The following FAM168A variants were observed in gnomAD, a reference collection of about 807,000 sequenced individuals.
FAM168A encodes family with sequence similarity 168 member A, also known as protein FAM168A.
FAM168A carries 3 observed loss-of-function variants against 28.5 expected under a neutral mutation model. The observed-to-expected ratio is 0.11, with a 90% CI of 0.05 to 0.27. The LOEUF is 0.27. Ranked by LOEUF, FAM168A falls within the 10% of genes least tolerant of loss-of-function variation. The pLI, the probability that FAM168A is intolerant of heterozygous loss-of-function variation, is 1.00. For missense variants in FAM168A, 222 were observed against 311.5 expected (o/e 0.71, Z 2.16); for synonymous variants, 122 against 124.2 (o/e 0.98, Z 0.12).
intron 1 of FAM168A, among the ~76,000 whole-genome samples, chr11:73,537,042 G>A (rs1173641842): frequency 6.6e-6 from 1 of 152,148 alleles, no homozygotes; most frequent in Non-Finnish European, 1.5e-5. Context: ...TCAGAAGTCA[G>A]GGAGAACTTC....
chr11:73,425,486 G>C (rs115993894), intron 3 of FAM168A, among the ~76,000 whole-genome samples: 2,115 of 152,354 alleles, frequency 0.014, 33 homozygotes, highest in African/African-American at 0.041. Flanking sequence ...GATAGGACCA[G>C]TGCAGAGGCA....
chr11:73,544,810 CAT>C (rs1491237120), intron 1 of FAM168A, among the ~76,000 whole-genome samples: 3 of 86,870 alleles, frequency 3.5e-5, no homozygotes, highest in East Asian at 2.6e-4. Context: ...AATTATATAT[CAT>C]ATATAATAAA....
chr11:73,580,169 G>C, intron 1 of FAM168A: 1 of 381,552 alleles, frequency 2.6e-6, no homozygotes, highest in Non-Finnish European at 5.1e-6. Context: ...AGGTGAGAAC[G>C]ACCCCCAGAC....
At chr11:73,431,530 C>T (rs1273382337) in intron 2 of FAM168A, among the ~76,000 whole-genome samples, 3 of 152,120 alleles carry the variant, frequency 2.0e-5, no homozygotes, top group African/African-American at 7.2e-5. Flanking sequence ...CAGTGGTGTG[C>T]TGGTAAATAT....
At chr11:73,508,634 G>A (rs1855161666) in intron 1 of FAM168A, among the ~76,000 whole-genome samples, 1 of 152,084 alleles carries the variant, frequency 6.6e-6, no homozygotes, top group Admixed American at 6.5e-5. Context: ...GTGTGCATAT[G>A]TGGGTGTGTT....
At chr11:73,591,652 G>A (rs571414313) in intron 1 of FAM168A, among the ~76,000 whole-genome samples, 15 of 152,270 alleles carry the variant, frequency 9.9e-5, no homozygotes, top group African/African-American at 3.6e-4. Context: ...TATGAACAGA[G>A]GTGCACGCCA....
intron 2 of FAM168A, among the ~76,000 whole-genome samples, chr11:73,464,848 C>G (rs1040750836): frequency 1.3e-5 from 2 of 150,052 alleles, no homozygotes; most frequent in African/African-American, 5.0e-5. Context: ...GGAAGGCATT[C>G]CTAACCCTGT....
chr11:73,516,545 C>T (rs1943306218), intron 1 of FAM168A, among the ~76,000 whole-genome samples: 1 of 152,182 alleles, frequency 6.6e-6, no homozygotes, highest in Admixed American at 6.5e-5. Context: ...TGTTACATTT[C>T]TAATAATTAT....
chr11:73,528,695 G>A (rs1199503392), intron 1 of FAM168A, among the ~76,000 whole-genome samples: 1 of 152,072 alleles, frequency 6.6e-6, no homozygotes, highest in African/African-American at 2.4e-5. Context: ...CTGGAACCTG[G>A]ACCTCTGTCC....
intron 3 of FAM168A, among the ~76,000 whole-genome samples, chr11:73,423,002 G>A (rs143382937): frequency 5.3e-5 from 8 of 152,334 alleles, no homozygotes; most frequent in Non-Finnish European, 8.8e-5. Context: ...AATCTGAGTT[G>A]TAGCCTGGGC....
chr11:73,505,347 A>G (rs1390847774), intron 1 of FAM168A, among the ~76,000 whole-genome samples: 2 of 152,042 alleles, frequency 1.3e-5, no homozygotes. Flanking sequence ...AAACTTCTCT[A>G]TAACTCAGTT....
chr11:73,417,792 C>T (rs949960960), intron 4 of FAM168A, among the ~76,000 whole-genome samples: 1 of 152,126 alleles, frequency 6.6e-6, no homozygotes. Context: ...ATCTTCTGAC[C>T]TTGTGATCCG....
rs146689390 is a variant in FAM168A, at chr11:73,433,680, C to T, written c.71-2910G>A. On this transcript the variant is annotated intron_variant, in intron 2 of 7. Coordinates refer to ENST00000356467, the MANE Select transcript of FAM168A (RefSeq NM_015159.3). ...CTTATTTTAATATCTTTATGATATT[C>T]CGTATGTAGATACATCATTTAACCA... Among the ~76,000 whole-genome samples the T allele has an allele frequency of 4.3e-3, 657 of 152,158 alleles. 1 individual carries two copies. Among genetic ancestry groups the T allele is most frequent in the Middle Eastern group, 0.014 (4 of 294 alleles).
At chr11:73,411,697 T>C (rs1368495380) in intron 4 of FAM168A, among the ~76,000 whole-genome samples, 161 bp from the exon 5 acceptor site, 1 of 152,128 alleles carries the variant, frequency 6.6e-6, no homozygotes, top group Non-Finnish European at 1.5e-5. Flanking sequence ...CAGAAAGCCC[T>C]GGCCCCAGAG....
At chr11:73,413,757 C>T (rs1424533389) in intron 4 of FAM168A, among the ~76,000 whole-genome samples, 10 of 152,110 alleles carry the variant, frequency 6.6e-5, no homozygotes, top group Admixed American at 6.5e-4. Flanking sequence ...TTCCATGACC[C>T]TGAGAAGTTT....
chr11:73,441,128 A>G (rs1004739357), intron 2 of FAM168A, among the ~76,000 whole-genome samples: 3 of 149,592 alleles, frequency 2.0e-5, no homozygotes, highest in African/African-American at 7.5e-5. Flanking sequence ...GCGCTATCTC[A>G]GTTCACCACA....
intron 3 of FAM168A, among the ~76,000 whole-genome samples, chr11:73,429,539 C>T (rs1014895275): frequency 3.3e-5 from 5 of 152,206 alleles, no homozygotes; most frequent in Admixed American, 6.5e-5. Context: ...CCTACTTCTA[C>T]GTTCCTCACA....
chr11:73,506,664 C>T lies in FAM168A; in HGVS notation c.-18-38172G>A, dbSNP rs186050206. On this transcript the variant is annotated intron_variant, in intron 1 of 7. Coordinates refer to ENST00000356467, the MANE Select transcript of FAM168A (RefSeq NM_015159.3). Reference sequence around the variant, plus strand: ...ATAGACAAGATATTCTTTAAAGGTCCTCCATCTTTAACCCTCTATAGCATA... The same window carrying T: ...ATAGACAAGATATTCTTTAAAGGTCTTCCATCTTTAACCCTCTATAGCATA... Among the ~76,000 whole-genome samples the T allele has an allele frequency of 7.1e-3, 1,088 of 152,224 alleles. 12 individuals are homozygous for T. The highest frequency in any genetic ancestry group is 0.011 in the Non-Finnish European group (748 of 68,010).
chr11:73,438,955 C>A (rs1244747712), intron 2 of FAM168A, among the ~76,000 whole-genome samples: 1 of 149,186 alleles, frequency 6.7e-6, no homozygotes, highest in Non-Finnish European at 1.5e-5. Context: ...CCCCGCCTCA[C>A]CCCCCCTTCT....
Sources: allele counts gnomAD v4.1 joint callset (sites outside exome capture counted in the v4.1 genomes callset), GRCh38; gene constraint gnomAD v4.1.1; transcripts MANE v1.5; gene names NCBI Gene and HGNC (gene_info 2026-07-23, HGNC 2026-07-21).